Variants in MKNK1 observed in about 807,000 individuals in gnomAD.
The protein encoded by MKNK1 is MAPK interacting serine/threonine kinase 1.
A neutral mutation model predicts 49.3 loss-of-function variants in MKNK1; 30 were observed. The observed-to-expected ratio is 0.61, with a 90% confidence interval of 0.46 to 0.83. MKNK1 has a LOEUF of 0.83. MKNK1 is among the 40% of genes least tolerant of loss of function. The probability of loss-of-function intolerance (pLI) is 0.00; values close to 1 mark genes in which losing one functional copy is unlikely to be tolerated. For missense variants in MKNK1, 423 were observed against 524.7 expected (o/e 0.81, Z 1.89); for synonymous variants, 176 against 201.7 (o/e 0.87, Z 1.08).
At chr1:46,565,758 G>A (rs897917582) in intron 8 of MKNK1, among the ~76,000 whole-genome samples, 1 of 152,202 alleles carries the variant, frequency 6.6e-6, no homozygotes, top group African/African-American at 2.4e-5. Context: ...GAGCCAACCA[G>A]GAAGGCAGTT....
intron 2 of MKNK1, among the ~76,000 whole-genome samples, chr1:46,590,919 A>G (rs1363172713): frequency 6.6e-6 from 1 of 152,212 alleles, no homozygotes; most frequent in African/African-American, 2.4e-5. Flanking sequence ...CAAAAACTTC[A>G]TTTATCAGAA....
intron 1 of MKNK1, among the ~76,000 whole-genome samples, chr1:46,597,211 C>A (rs1041061576): frequency 6.6e-6 from 1 of 151,340 alleles, no homozygotes; most frequent in Non-Finnish European, 1.5e-5. Context: ...GCACCCAATT[C>A]TCTCTCAATT....
chr1:46,580,539 A>G lies in MKNK1; in HGVS notation c.189T>C (p.Tyr63=), dbSNP rs775648004. 3.2e-5 allele frequency: 51 copies of G among 1,612,888 alleles called. No homozygotes were observed. Among genetic ancestry groups the G allele is most frequent in the Middle Eastern group, 3.3e-4 (2 of 6,076 alleles). ...GAVSLQNGKE[Y]AVKIIEKQAG... ...CAGCTGAGACACTCACTTTGACGGC[A>G]TACTCTTTGCCATTCTGTAGGCTCA... is the stretch of plus-strand genomic sequence containing the variant. Residue 63 remains tyrosine, a synonymous_variant, in exon 4 of 13, where the codon TAT becomes TAC. Coordinates refer to ENST00000371945, the MANE Select transcript of MKNK1 (RefSeq NM_001135553.4).
chr1:46,572,181 G>C lies in MKNK1; in HGVS notation c.353-14C>G. 2 of 1,611,578 alleles carry C rather than the reference G, an allele frequency of 1.2e-6. No homozygotes were observed. Among genetic ancestry groups the C allele is most frequent in the South Asian group, 2.2e-5 (2 of 91,028 alleles). On this transcript the variant is annotated splice_polypyrimidine_tract_variant and intron_variant, in intron 6 of 12. Coordinates refer to ENST00000371945, the MANE Select transcript of MKNK1 (RefSeq NM_001135553.4). ...CTAAGATGGAACCTGGGGAGCAGAGGGGACATAGAAGAATGCCTTTTTGGG... is the reference window on the plus strand; with the variant it reads ...CTAAGATGGAACCTGGGGAGCAGAGCGGACATAGAAGAATGCCTTTTTGGG...
chr1:46,582,970 C>T (rs1374559931), intron 3 of MKNK1: 3 of 635,210 alleles, frequency 4.7e-6, no homozygotes, highest in Non-Finnish European at 8.7e-6. Context: ...GATGGGTCTT[C>T]CTGCTCCCTG....
At chr1:46,564,303 C>G (rs1668611986) in intron 9 of MKNK1, among the ~76,000 whole-genome samples, 1 of 151,878 alleles carries the variant, frequency 6.6e-6, no homozygotes, top group African/African-American at 2.4e-5. Flanking sequence ...TCAGGGAGAA[C>G]AGCTCTCCAT....
chr1:46,587,932 A>T (rs1013865549), intron 2 of MKNK1, among the ~76,000 whole-genome samples: 25 of 152,386 alleles, frequency 1.6e-4, no homozygotes, highest in Admixed American at 1.6e-3. Context: ...TAGAAAGACT[A>T]GACAGAAATA....
At chr1:46,602,315 G>C (rs1674840925) in intron 1 of MKNK1, among the ~76,000 whole-genome samples, 1 of 152,218 alleles carries the variant, frequency 6.6e-6, no homozygotes, top group African/African-American at 2.4e-5. Flanking sequence ...AGGAGGCTGA[G>C]GCAGGAGAAT....
intron 4 of MKNK1, among the ~76,000 whole-genome samples, chr1:46,579,367 G>A (rs1671433227): frequency 6.6e-6 from 1 of 152,184 alleles, no homozygotes; most frequent in Non-Finnish European, 1.5e-5. Flanking sequence ...CCTTTCTCTA[G>A]GTCAGTTAGT....
intron 1 of MKNK1, among the ~76,000 whole-genome samples, chr1:46,601,524 G>T (rs1227754839): frequency 6.6e-6 from 1 of 152,204 alleles, no homozygotes; most frequent in African/African-American, 2.4e-5. Context: ...TCTGAACACA[G>T]CATTACCTAC....
At chr1:46,562,885 C>A in intron 9 of MKNK1, 42 bp from the exon 10 acceptor site, 1 of 1,519,228 alleles carries the variant, frequency 6.6e-7, no homozygotes, top group South Asian at 1.2e-5. Flanking sequence ...TGGCAGAGAA[C>A]AGAGAGGCTT....
intron 6 of MKNK1, 150 bp downstream of exon 6, chr1:46,574,797 G>A (rs941174214): frequency 5.2e-6 from 3 of 581,662 alleles, no homozygotes; most frequent in Admixed American, 3.5e-5. Context: ...CCTTCCCTCC[G>A]GCCTCCCTTC....
intron 2 of MKNK1, among the ~76,000 whole-genome samples, chr1:46,586,958 C>T (rs1183935039): frequency 6.6e-6 from 1 of 152,192 alleles, no homozygotes; most frequent in Non-Finnish European, 1.5e-5. Flanking sequence ...CAGGCACATG[C>T]CACCATGTCC....
chr1:46,560,549 G>T (rs1484282528), intron 11 of MKNK1, among the ~76,000 whole-genome samples: 1 of 152,186 alleles, frequency 6.6e-6, no homozygotes, highest in Admixed American at 6.5e-5. Flanking sequence ...CAGCTCAAGG[G>T]TCACTTCCCC....
rs1668687847 is a variant in MKNK1 at position 46,564,480 on chromosome 1, T to TTTG, written c.609+560_609+561insCAA. The stretch of plus-strand genomic sequence containing the variant: ...TTTTTTTTATTGTTTTTTTTTTTTT[T>TTTG]TTTTTTTTTTTTTGAGACGGAGTTT... On this transcript the variant is annotated intron_variant, in intron 9 of 12. Transcript: ENST00000371945. Among the ~76,000 whole-genome samples the TTTG allele has an allele frequency of 3.0e-5, 4 of 135,454 alleles. No homozygotes were observed. The South Asian group carries it at 9.8e-4, about 33-fold the overall frequency. 88.9% of individuals were successfully genotyped at this position (135,454 alleles called of 152,430 possible).
At chr1:46,559,056 C>G (rs1025170483) in intron 12 of MKNK1, among the ~76,000 whole-genome samples, 5 of 152,192 alleles carry the variant, frequency 3.3e-5, no homozygotes, top group African/African-American at 1.2e-4. Context: ...TCAGAGCACC[C>G]TCCTCTGAGC....
chr1:46,594,295 A>T lies in MKNK1; in HGVS notation c.-170-15T>A, dbSNP rs1244001156. 1.4e-6 allele frequency: 1 copy of T among 701,012 alleles called. No individual in the cohort carries two copies. The highest frequency in any genetic ancestry group is 2.2e-5 in the Admixed American group (1 of 46,166). The allele number at this position is 701,012 out of a possible 1,614,324, so 43.4% of individuals were successfully genotyped here. Reference sequence around the variant, plus strand: ...GACATGGAAACCTTGAAAAAGCAGAAATAGAAAGGAAATCAAAATGCTGAC... The same window carrying T: ...GACATGGAAACCTTGAAAAAGCAGATATAGAAAGGAAATCAAAATGCTGAC... On this transcript the variant is annotated splice_polypyrimidine_tract_variant and intron_variant, in intron 1 of 12. Transcript: ENST00000371945.
chr1:46,575,060 A>G (rs1670752525), intron 5 of MKNK1, 40 bp from the exon 6 acceptor site: 1 of 1,318,694 alleles, frequency 7.6e-7, no homozygotes, highest in East Asian at 2.3e-5. Flanking sequence ...AAAGGGGGGA[A>G]ATGGTATTAT....
In MKNK1 at chr1:46,590,291, C is replaced by T. The variant is rs149584076; in HGVS notation, c.-3+3822G>A. ...GGCAATGAGGGGGTACCTGGGGAGACTGACCCCAGAACATTTACATCTTTG... is the reference window on the plus strand; with the variant it reads ...GGCAATGAGGGGGTACCTGGGGAGATTGACCCCAGAACATTTACATCTTTG... On this transcript the variant is annotated intron_variant, in intron 2 of 12. Transcript: ENST00000371945. Among the ~76,000 whole-genome samples, 20 of 152,264 alleles carry T rather than the reference C, an allele frequency of 1.3e-4. No individual in the cohort carries two copies. The East Asian group carries it at 3.3e-3, about 25-fold the overall frequency.
Sources: gnomAD v4.1 joint callset for allele counts (sites outside exome capture counted in the v4.1 genomes callset) on GRCh38, gnomAD v4.1.1 for gene constraint, MANE v1.5 for transcripts, NCBI Gene and HGNC (gene_info 2026-07-23, HGNC 2026-07-21) for gene names.